Variants in DOK5 observed in about 807,000 individuals in gnomAD.
DOK5 encodes the protein downstream of tyrosine kinase 5.
A neutral mutation model predicts 43.3 loss-of-function variants in DOK5; 27 were observed. That is an observed-to-expected ratio of 0.62 (90% CI 0.46 to 0.86). DOK5 has a LOEUF of 0.86. Among genes scored for constraint, DOK5 ranks in the 40% least tolerant of loss-of-function variants. The pLI is 0.00. For synonymous variants in DOK5, 146 were observed against 140.1 expected (o/e 1.04, Z -0.30); for missense variants, 373 against 392.9 (o/e 0.95, Z 0.43).
At chr20:54,619,024 TA>T (rs797010606) in intron 6 of DOK5, among the ~76,000 whole-genome samples, 15,472 of 29,092 alleles carry the variant, frequency 0.53, 2,987 homozygotes, top group African/African-American at 0.63. Flanking sequence ...TTCAATAAAT[TA>T]TATATATATA....
At chr20:54,616,316 C>A (rs993089908) in intron 6 of DOK5, among the ~76,000 whole-genome samples, 4 of 152,154 alleles carry the variant, frequency 2.6e-5, no homozygotes, top group African/African-American at 9.7e-5. Flanking sequence ...TTTTCTTTAT[C>A]CTACATGAGA....
intron 6 of DOK5, among the ~76,000 whole-genome samples, chr20:54,633,515 T>C (rs965748424): frequency 6.6e-5 from 10 of 152,206 alleles, no homozygotes; most frequent in African/African-American, 2.4e-4. Flanking sequence ...TTGGGTTACA[T>C]ATATGAAACG....
intron 6 of DOK5, among the ~76,000 whole-genome samples, chr20:54,630,270 A>G (rs1243585359): frequency 2.6e-5 from 4 of 152,162 alleles, no homozygotes. Context: ...GATTGGACCA[A>G]TAGGATTTGC....
intron 2 of DOK5, among the ~76,000 whole-genome samples, chr20:54,559,789 T>C (rs1984839898): frequency 6.6e-6 from 1 of 152,258 alleles, no homozygotes; most frequent in Non-Finnish European, 1.5e-5. Flanking sequence ...ATGTGTTAAC[T>C]TATTGTTGTT....
intron 6 of DOK5, among the ~76,000 whole-genome samples, chr20:54,625,672 T>G (rs894599217): frequency 1.3e-5 from 2 of 152,214 alleles, no homozygotes; most frequent in African/African-American, 4.8e-5. Flanking sequence ...ATTATATTAG[T>G]TCACAACTTG....
intron 2 of DOK5, among the ~76,000 whole-genome samples, chr20:54,582,379 A>G (rs1437379827): frequency 6.6e-6 from 1 of 151,788 alleles, no homozygotes; most frequent in East Asian, 1.9e-4. Flanking sequence ...CACAGAATGA[A>G]TTTGGAAGCG....
At chr20:54,486,968 A>C (rs1254788923) in intron 1 of DOK5, among the ~76,000 whole-genome samples, 2 of 152,178 alleles carry the variant, frequency 1.3e-5, no homozygotes, top group African/African-American at 4.8e-5. Flanking sequence ...AAAAGGTTGC[A>C]TTCTATCTTC....
intron 1 of DOK5, among the ~76,000 whole-genome samples, chr20:54,489,021 A>G (rs77379948): frequency 0.018 from 2,722 of 152,244 alleles, 70 homozygotes; most frequent in African/African-American, 0.057. Context: ...GAAGAATGGA[A>G]TGGTGTATTC....
At chr20:54,568,662 G>A (rs995855447) in intron 2 of DOK5, among the ~76,000 whole-genome samples, 1 of 152,102 alleles carries the variant, frequency 6.6e-6, no homozygotes, top group Non-Finnish European at 1.5e-5. Context: ...TGGGCGCAGT[G>A]GCTCACGCCT....
At chr20:54,478,558 G>A (rs933144628) in intron 1 of DOK5, among the ~76,000 whole-genome samples, 2 of 152,160 alleles carry the variant, frequency 1.3e-5, no homozygotes, top group Non-Finnish European at 2.9e-5. Context: ...ATTTATTAAT[G>A]GAATCCAGAC....
chr20:54,605,018 T>C (rs1231414046), intron 5 of DOK5, among the ~76,000 whole-genome samples: 4,178 of 88,966 alleles, frequency 0.047, 202 homozygotes, highest in African/African-American at 0.2. Context: ...AAAAAATATA[T>C]ATATATACAC....
chr20:54,574,042 A>T (rs964649042), intron 2 of DOK5, among the ~76,000 whole-genome samples: 4 of 152,188 alleles, frequency 2.6e-5, no homozygotes, highest in Non-Finnish European at 5.9e-5. Context: ...GCCAAAAAGC[A>T]CATCACTGAC....
intron 6 of DOK5, among the ~76,000 whole-genome samples, chr20:54,641,468 G>A (rs188301354): frequency 6.6e-6 from 1 of 150,986 alleles, no homozygotes. Flanking sequence ...GTACAGTGGA[G>A]ACTTTTTTTT....
At chr20:54,591,923 T>C in intron 5 of DOK5, 118 bp downstream of exon 5, 1 of 814,594 alleles carries the variant, frequency 1.2e-6, no homozygotes, top group Non-Finnish European at 1.8e-6. Context: ...TGAAGTACAC[T>C]TGAGGAAATT....
At chr20:54,642,348 T>G (rs1568825828) in intron 6 of DOK5, among the ~76,000 whole-genome samples, 1 of 152,038 alleles carries the variant, frequency 6.6e-6, no homozygotes, top group African/African-American at 2.4e-5. Flanking sequence ...ACAATACTTG[T>G]TCAAACAGAC....
intron 6 of DOK5, among the ~76,000 whole-genome samples, chr20:54,614,619 G>A (rs1027581895): frequency 2.6e-5 from 4 of 152,168 alleles, no homozygotes; most frequent in Non-Finnish European, 5.9e-5. Context: ...TCAGGAATAT[G>A]AGTAAATCGT....
intron 1 of DOK5, among the ~76,000 whole-genome samples, chr20:54,501,466 CAAAA>C (rs76224592): frequency 3.1e-4 from 6 of 19,460 alleles, no homozygotes; most frequent in South Asian, 1.8e-3. Context: ...GACTCACTCT[CAAAA>C]AAAAAAAAAA....
intron 2 of DOK5, among the ~76,000 whole-genome samples, chr20:54,558,057 A>C (rs1984773271): frequency 6.6e-6 from 1 of 152,240 alleles, no homozygotes; most frequent in Non-Finnish European, 1.5e-5. Context: ...AATGGAATAC[A>C]TACAGATGTC....
chr20:54,485,121 G>A (rs904078042), intron 1 of DOK5, among the ~76,000 whole-genome samples: 2 of 152,202 alleles, frequency 1.3e-5, no homozygotes, highest in African/African-American at 4.8e-5. Flanking sequence ...CACAAGGTCG[G>A]GAGTTGGTGA....
Sources: gnomAD v4.1 joint callset for allele counts (sites outside exome capture counted in the v4.1 genomes callset) on GRCh38, gnomAD v4.1.1 for gene constraint, MANE v1.5 for transcripts, NCBI Gene and HGNC (gene_info 2026-07-23, HGNC 2026-07-21) for gene names.